FAM168B: variants seen among roughly 807,000 people sequenced by gnomAD.
FAM168B encodes myelin-associated neurite-outgrowth inhibitor.
Under a neutral mutation model 21.8 loss-of-function variants are expected in FAM168B, and 19 were observed. The ratio of observed to expected loss-of-function variants is 0.87; its 90% CI spans 0.61 to 1.28. The LOEUF (loss-of-function observed/expected upper bound fraction) is 1.28, where lower values mean the gene tolerates loss of function less well. Ranked by LOEUF, FAM168B falls within the 50% of genes most tolerant of loss-of-function variation. FAM168B has a pLI of 0.00. For missense variants in FAM168B, 233 were observed against 263.1 expected (o/e 0.89, Z 0.79); for synonymous variants, 126 against 104.8 (o/e 1.20, Z -1.24).
At chr2:131,085,094 A>G (rs892132499) in intron 1 of FAM168B, among the ~76,000 whole-genome samples, 2 of 152,128 alleles carry the variant, frequency 1.3e-5, no homozygotes, top group African/African-American at 4.8e-5. Flanking sequence ...GTGTGGGGGT[A>G]GGGGGGTATA....
At chr2:131,060,093 T>C (rs938601076) in intron 3 of FAM168B, among the ~76,000 whole-genome samples, 4 of 152,252 alleles carry the variant, frequency 2.6e-5, no homozygotes, top group African/African-American at 9.6e-5. Flanking sequence ...TGACACCATC[T>C]TGGCTCACTG....
chr2:131,051,743 A>C lies in FAM168B; in HGVS notation c.*722T>G. On this transcript the variant is annotated 3_prime_UTR_variant, in exon 7 of 7. Transcript: ENST00000389915. ...AAATTTCACTGGCCACACTACCATA[A>C]TCTTTCATGATGAGCTTTAAGCATG... 1 of 985,378 alleles carries C rather than the reference A, an allele frequency of 1.0e-6. No homozygotes were observed. The highest frequency in any genetic ancestry group is 1.2e-6 in the Non-Finnish European group (1 of 829,920). The allele number at this position is 985,378 out of a possible 1,614,324, so 61.0% of individuals were successfully genotyped here. A position where few individuals can be genotyped will look rare whatever the true frequency, so the allele number is the denominator to read the frequency against.
intron 2 of FAM168B, among the ~76,000 whole-genome samples, chr2:131,082,109 G>C (rs1412399228): frequency 6.6e-6 from 1 of 152,174 alleles, no homozygotes; most frequent in African/African-American, 2.4e-5. Flanking sequence ...AAGGGATGTG[G>C]ATCAGGCCTA....
At position 131,048,721 on chromosome 2, in the gene FAM168B, G is replaced by A. The variant is rs989332700; in HGVS notation, c.*3744C>T. On this transcript the variant is annotated 3_prime_UTR_variant, in exon 7 of 7. Coordinates refer to ENST00000389915, the MANE Select transcript of FAM168B (RefSeq NM_001009993.4). ...AGAGGGAACACTCACAAATGCAGAG[G>A]TACTAGAGGGGAGAAATACGTGCTC... 16 of 987,560 alleles carry A rather than the reference G, an allele frequency of 1.6e-5. No individual in the cohort carries two copies. In the African/African-American group the frequency reaches 2.6e-4, roughly 16 times the overall value. The allele number at this position is 987,560 out of a possible 1,614,324, so 61.2% of individuals were successfully genotyped here. A position where few individuals can be genotyped will look rare whatever the true frequency, so the allele number is the denominator to read the frequency against.
chr2:131,063,329 T>C (rs1392219554), intron 3 of FAM168B, among the ~76,000 whole-genome samples: 1 of 152,228 alleles, frequency 6.6e-6, no homozygotes, highest in African/African-American at 2.4e-5. Flanking sequence ...ATATATATTA[T>C]CTTACTGTTT....
At position 131,087,618 on chromosome 2, in the gene FAM168B, G is replaced by C. The variant is rs1407977040; in HGVS notation, c.-11-4961C>G. Among the ~76,000 whole-genome samples, 5 of 152,156 alleles carry C rather than the reference G, an allele frequency of 3.3e-5. No homozygotes were observed. In the South Asian group the frequency reaches 1.0e-3, roughly 32 times the overall value. Reference sequence around the variant, plus strand: ...GTTTGGAGCTTAGGCTCTATGTAGGGAATCAGTAATAGATGATTGTGGAGA... The same window carrying C: ...GTTTGGAGCTTAGGCTCTATGTAGGCAATCAGTAATAGATGATTGTGGAGA... On this transcript the variant is annotated intron_variant, in intron 1 of 6. Coordinates refer to ENST00000389915, the MANE Select transcript of FAM168B (RefSeq NM_001009993.4).
At chr2:131,077,514 T>C (rs1294380407) in intron 2 of FAM168B, among the ~76,000 whole-genome samples, 2 of 152,180 alleles carry the variant, frequency 1.3e-5, no homozygotes, top group African/African-American at 4.8e-5. Flanking sequence ...GATTTTCCTA[T>C]GTGATAGCCC....
At position 131,052,352 on chromosome 2, in the gene FAM168B, T is replaced by A. The variant is rs1490730453; in HGVS notation, c.*113A>T. On this transcript the variant is annotated 3_prime_UTR_variant, in exon 7 of 7. Transcript: ENST00000389915. ...CGGGATATAGTCGTGTTTAGCTAAG[T>A]GTCGAGAGCATTAAGAAGAAAGTCC... 4 of 986,124 alleles carry A rather than the reference T, an allele frequency of 4.1e-6. No homozygotes were observed. In the African/African-American group the frequency reaches 7.0e-5, roughly 17 times the overall value. 61.1% of individuals were successfully genotyped at this position (986,124 alleles called of 1,614,324 possible).
chr2:131,086,182 A>G (rs1016281722), intron 1 of FAM168B, among the ~76,000 whole-genome samples: 1 of 152,164 alleles, frequency 6.6e-6, no homozygotes, highest in African/African-American at 2.4e-5. Flanking sequence ...GTCTGCAAAT[A>G]CTTCACCTAC....
chr2:131,051,283 G>A lies in FAM168B; in HGVS notation c.*1182C>T, dbSNP rs967720464. 1.7e-5 allele frequency: 17 copies of A among 985,244 alleles called. No individual in the cohort carries two copies. In the African/African-American group the frequency reaches 3.0e-4, roughly 17 times the overall value. The allele number at this position is 985,244 out of a possible 1,614,324, so 61.0% of individuals were successfully genotyped here. A position where few individuals can be genotyped will look rare whatever the true frequency, so the allele number is the denominator to read the frequency against. ...TGGGTGATCCCAGAAGCAGCTACAG[G>A]TTTCTACATTTCCAGACATATCCAC... On this transcript the variant is annotated 3_prime_UTR_variant, in exon 7 of 7. Transcript: ENST00000389915.
At chr2:131,093,134 G>A (rs1694125913) in intron 1 of FAM168B, 80 bp downstream of exon 1, 1 of 150,474 alleles carries the variant, frequency 6.6e-6, no homozygotes, top group Non-Finnish European at 1.5e-5. Flanking sequence ...GGCCGACCTT[G>A]GCGCCGCCCC....
chr2:131,078,400 A>T (rs113306906), intron 2 of FAM168B, among the ~76,000 whole-genome samples: 1 of 152,184 alleles, frequency 6.6e-6, no homozygotes, highest in Non-Finnish European at 1.5e-5. Flanking sequence ...TGGAGAAAAA[A>T]ACAGAAACTA....
chr2:131,069,564 G>T (rs1692752215), intron 3 of FAM168B, among the ~76,000 whole-genome samples: 1 of 152,012 alleles, frequency 6.6e-6, no homozygotes, highest in African/African-American at 2.4e-5. Context: ...CGCAATCTCG[G>T]CTCACTGCAA....
At chr2:131,091,061 C>T (rs972924831) in intron 1 of FAM168B, among the ~76,000 whole-genome samples, 5 of 152,200 alleles carry the variant, frequency 3.3e-5, no homozygotes, top group African/African-American at 7.2e-5. Context: ...AAGCTGGATA[C>T]GGTGGCTCAC....
chr2:131,092,956 C>G (rs1037426539), intron 1 of FAM168B, among the ~76,000 whole-genome samples: 1 of 152,088 alleles, frequency 6.6e-6, no homozygotes, highest in Non-Finnish European at 1.5e-5. Context: ...GAGAACGCCC[C>G]GCGCCGCGAA....
chr2:131,079,566 T>G (rs897227070), intron 2 of FAM168B, among the ~76,000 whole-genome samples: 4 of 152,202 alleles, frequency 2.6e-5, no homozygotes, highest in Non-Finnish European at 5.9e-5. Flanking sequence ...TGCTAAAGAC[T>G]GCAGACAGCC....
At chr2:131,069,822 C>G (rs952404217) in intron 3 of FAM168B, among the ~76,000 whole-genome samples, 2 of 149,540 alleles carry the variant, frequency 1.3e-5, no homozygotes, top group Non-Finnish European at 3.0e-5. Flanking sequence ...AGTATGGTAC[C>G]AAAAGCATGA....
intron 3 of FAM168B, among the ~76,000 whole-genome samples, chr2:131,061,687 T>G (rs1400796962): frequency 6.7e-6 from 1 of 149,714 alleles, no homozygotes; most frequent in Non-Finnish European, 1.5e-5. Context: ...GAAGCTGAGG[T>G]GGGAGAATCA....
rs574826329 is a variant in FAM168B, at chr2:131,053,079, C to G, written c.476-64G>C. On this transcript the variant is annotated intron_variant, in intron 5 of 6. Coordinates refer to ENST00000389915, the MANE Select transcript of FAM168B (RefSeq NM_001009993.4). Reference sequence around the variant, plus strand: ...CTGCACAGCTCCACACTGCCTGATACGCACACAAGCCTGGCCTCTTTGCAA... The same window carrying G: ...CTGCACAGCTCCACACTGCCTGATAGGCACACAAGCCTGGCCTCTTTGCAA... 8.1e-6 allele frequency: 12 copies of G among 1,481,848 alleles called. No individual in the cohort carries two copies. The South Asian group carries it at 9.1e-5, about 11-fold the overall frequency. The allele number at this position is 1,481,848 out of a possible 1,614,324, so 91.8% of individuals were successfully genotyped here.
Sources: allele counts gnomAD v4.1 joint callset (sites outside exome capture counted in the v4.1 genomes callset), GRCh38; gene constraint gnomAD v4.1.1; transcripts MANE v1.5; gene names NCBI Gene and HGNC (gene_info 2026-07-23, HGNC 2026-07-21).